FGF17: variants seen among roughly 807,000 people sequenced by gnomAD.
FGF17 encodes the protein fibroblast growth factor 17.
In FGF17, 5 loss-of-function variants were observed where a neutral mutation model predicts 23.5. The ratio of observed to expected loss-of-function variants is 0.21; its 90% CI spans 0.11 to 0.45. The LOEUF is 0.45. Among genes scored for constraint, FGF17 ranks in the 20% least tolerant of loss-of-function variants. The pLI is 0.99. For synonymous variants in FGF17, 136 were observed against 123.0 expected (o/e 1.11, Z -0.70); for missense variants, 221 against 306.9 (o/e 0.72, Z 2.09).
chr8:22,043,209 C>T (rs776104827), intron 2 of FGF17, 28 bp downstream of exon 2: 3 of 1,611,216 alleles, frequency 1.9e-6, no homozygotes, highest in Non-Finnish European at 2.5e-6. Context: ...CCGGCTTTCC[C>T]CCAATTTTTC....
At chr8:22,045,938 G>T (rs756265309) in intron 2 of FGF17, 176 bp from the exon 3 acceptor site, 1 of 1,518,204 alleles carries the variant, frequency 6.6e-7, no homozygotes. Context: ...AAGCAAAGAG[G>T]TTATGACCGG....
intron 4 of FGF17, 74 bp downstream of exon 4, chr8:22,046,707 C>G (rs1800877441): frequency 1.1e-6 from 1 of 947,624 alleles, no homozygotes; most frequent in African/African-American, 1.6e-5. Flanking sequence ...ATCATGCTCC[C>G]CTCTCTCCTC....
chr8:22,043,753 C>T (rs1411743760), intron 2 of FGF17, among the ~76,000 whole-genome samples: 1 of 97,350 alleles, frequency 1.0e-5, no homozygotes, highest in Non-Finnish European at 2.1e-5. Flanking sequence ...CCCAAGTCGG[C>T]CCCCCACCTC....
intron 2 of FGF17, chr8:22,045,804 C>G: frequency 1.6e-6 from 2 of 1,289,254 alleles, no homozygotes; most frequent in Non-Finnish European, 2.0e-6. Context: ...TCATAGAATA[C>G]GAGGACGGGA....
chr8:22,043,055 C>G, intron 1 of FGF17, 90 bp from the exon 2 acceptor site: 1 of 1,597,614 alleles, frequency 6.3e-7, no homozygotes, highest in Non-Finnish European at 8.6e-7. Flanking sequence ...CGTGCGTGCA[C>G]GGGGCTGGCA....
At chr8:22,045,815 T>G in intron 2 of FGF17, 3 of 1,322,924 alleles carry the variant, frequency 2.3e-6, no homozygotes, top group Admixed American at 3.2e-5. Flanking sequence ...GAGGACGGGA[T>G]AGAACCCTGA....
chr8:22,047,382 GC>G (rs1275976202), intron 4 of FGF17, among the ~76,000 whole-genome samples: 1 of 152,214 alleles, frequency 6.6e-6, no homozygotes, highest in Non-Finnish European at 1.5e-5. Context: ...GGTAGGCCGG[GC>G]CCTGCTGGGT....
Position 22,042,881 on chromosome 8 carries a change from C to T in FGF17, c.-48C>T, listed in dbSNP as rs371098708. Reference sequence around the variant, plus strand: ...CCCCTGGGGACTTCCCACATCTGCTCCTGAGCTTGGGGGCAGGGGGGCAAC... The same window carrying T: ...CCCCTGGGGACTTCCCACATCTGCTTCTGAGCTTGGGGGCAGGGGGGCAAC... On this transcript the variant is annotated 5_prime_UTR_variant, in exon 1 of 5. Transcript: ENST00000359441. 4.3e-6 allele frequency: 7 copies of T among 1,609,840 alleles called. No individual in the cohort carries two copies. Among genetic ancestry groups the T allele is most frequent in the South Asian group, 1.1e-5 (1 of 90,638 alleles).
At position 22,046,269 on chromosome 8, in the gene FGF17, C is replaced by G; in HGVS notation, c.228C>G (p.Thr76=). 1 of 1,613,630 alleles carries G rather than the reference C, an allele frequency of 6.2e-7. No individual in the cohort carries two copies. The highest frequency in any genetic ancestry group is 1.7e-5 in the Admixed American group (1 of 60,022). ...VQVTGRRISA[T]AEDGNKFAKL... ...TCACCGGGCGTCGCATCTCCGCCAC[C>G]GCCGAGGACGGCAACAAGTTTGGTG... Residue 76 remains threonine (T), a synonymous_variant, in exon 3 of 5, where the codon ACC becomes ACG. Transcript: ENST00000359441.
chr8:22,042,763 T>A, upstream of FGF17: 9 of 543,538 alleles, frequency 1.7e-5, no homozygotes, highest in Non-Finnish European at 2.7e-5. Flanking sequence ...CCCCTCCTCC[T>A]CCCTCTTTTC....
rs778752004 is a variant in FGF17, at chr8:22,042,922, T to C, written c.-7T>C. 1 of 1,613,458 alleles carries C rather than the reference T, an allele frequency of 6.2e-7. No homozygotes were observed. The highest frequency in any genetic ancestry group is 8.5e-7 in the Non-Finnish European group (1 of 1,179,786). The stretch of plus-strand genomic sequence containing the variant: ...GGGGGGCAACCGCCTGAGGAACCTC[T>C]CCAGCGATGGGAGCCGCCCGCCTGC... On this transcript the variant is annotated 5_prime_UTR_variant, in exon 1 of 5. Transcript: ENST00000359441.
Position 22,046,125 on chromosome 8 carries a change from C to T in FGF17, c.84C>T (p.His28=). 1 of 1,614,194 alleles carries T rather than the reference C, an allele frequency of 6.2e-7. No individual in the cohort carries two copies. The highest frequency in any genetic ancestry group is 8.5e-7 in the Non-Finnish European group (1 of 1,180,038). Reference sequence around the variant, plus strand: ...TGGTAACCGCAAAGGGGGAGAATCACCCGTCTCCTAATTTTAACCAGTACG... The same window carrying T: ...TGGTAACCGCAAAGGGGGAGAATCATCCGTCTCCTAATTTTAACCAGTACG... ...ILCCQTQGEN[H]PSPNFNQYVR... Residue 28 remains histidine (H), a synonymous_variant, in exon 3 of 5, where the codon CAC becomes CAT. Coordinates refer to ENST00000359441, the MANE Select transcript of FGF17 (RefSeq NM_003867.4).
At chr8:22,044,546 C>T (rs1179812932) in intron 2 of FGF17, 3 of 298,288 alleles carry the variant, frequency 1.0e-5, no homozygotes, top group African/African-American at 2.3e-5. Context: ...CAGAGGAGGC[C>T]GTCGGCCAAG....
At chr8:22,045,518 C>T (rs1800846319) in intron 2 of FGF17, 32 of 992,996 alleles carry the variant, frequency 3.2e-5, no homozygotes, top group Non-Finnish European at 3.8e-5. Context: ...CAGGATTCCA[C>T]AGTTAGTGCT....
chr8:22,046,524 C>T lies in FGF17; in HGVS notation c.251-3C>T, dbSNP rs764613581. On this transcript the variant is annotated splice_region_variant and splice_polypyrimidine_tract_variant and intron_variant, in intron 3 of 4. Transcript: ENST00000359441. ...GAGGTCTTTCTCCCCTCCCCCACCA[C>T]AGCCAAGCTCATAGTGGAGACGGAC... 2 of 1,610,436 alleles carry T rather than the reference C, an allele frequency of 1.2e-6. No individual in the cohort carries two copies. The highest frequency in any genetic ancestry group is 1.1e-5 in the South Asian group (1 of 90,962).
At chr8:22,045,440 G>A in intron 2 of FGF17, 1 of 990,412 alleles carries the variant, frequency 1.0e-6, no homozygotes. Flanking sequence ...AGCCCATAGA[G>A]GAGGGAGGAA....
rs1199955960 is a variant in FGF17, at chr8:22,047,938, T to A, written c.358-18T>A. 1.3e-6 allele frequency: 2 copies of A among 1,593,204 alleles called. No individual in the cohort carries two copies. Among genetic ancestry groups the A allele is most frequent in the Admixed American group, 3.4e-5 (2 of 59,424 alleles). ...GGTAGGTGGACAAATGCCCTTCCTG[T>A]CCTTGCTTCTCCCGCAGCCCAGCGG... On this transcript the variant is annotated intron_variant, in intron 4 of 4. Coordinates refer to ENST00000359441, the MANE Select transcript of FGF17 (RefSeq NM_003867.4).
At chr8:22,047,670 G>C (rs761066704) in intron 4 of FGF17, among the ~76,000 whole-genome samples, 2 of 152,208 alleles carry the variant, frequency 1.3e-5, no homozygotes, top group Non-Finnish European at 2.9e-5. Flanking sequence ...TGCATGCTGG[G>C]AAATGCCGCA....
intron 2 of FGF17, among the ~76,000 whole-genome samples, chr8:22,044,276 C>A (rs970426671): frequency 6.6e-6 from 1 of 152,090 alleles, no homozygotes; most frequent in Non-Finnish European, 1.5e-5. Flanking sequence ...CCCTCACCCC[C>A]CTGGGAGGGG....
Sources: gnomAD v4.1 joint callset for allele counts (sites outside exome capture counted in the v4.1 genomes callset) on GRCh38, gnomAD v4.1.1 for gene constraint, MANE v1.5 for transcripts, NCBI Gene and HGNC (gene_info 2026-07-23, HGNC 2026-07-21) for gene names.